MAP3K3: variants seen among roughly 807,000 people sequenced by gnomAD.
MAP3K3 encodes the protein MAP/ERK kinase kinase 3.
In MAP3K3, 12 loss-of-function variants were observed where a neutral mutation model predicts 80.9. The ratio of observed to expected loss-of-function variants is 0.15; its 90% CI spans 0.10 to 0.24. The LOEUF (loss-of-function observed/expected upper bound fraction) is 0.24, where lower values mean the gene tolerates loss of function less well. Among genes scored for constraint, MAP3K3 ranks in the 10% least tolerant of loss-of-function variants. The pLI, the probability that MAP3K3 is intolerant of heterozygous loss-of-function variation, is 1.00. For synonymous variants in MAP3K3, 272 were observed against 307.1 expected, an observed-to-expected ratio of 0.89 and a Z score of 1.19; for missense variants, 596 against 834.7, an observed-to-expected ratio of 0.71 and a Z score of 3.52.
chr17:63,680,387 A>T (rs2035305208), intron 6 of MAP3K3, among the ~76,000 whole-genome samples: 1 of 152,240 alleles, frequency 6.6e-6, no homozygotes, highest in African/African-American at 2.4e-5. Flanking sequence ...TAAGAGTCTT[A>T]CGTTTAAGTT....
At chr17:63,643,084 A>T (rs1278501732) in intron 2 of MAP3K3, among the ~76,000 whole-genome samples, 2 of 152,154 alleles carry the variant, frequency 1.3e-5, no homozygotes, top group Non-Finnish European at 2.9e-5. Flanking sequence ...GAAAAAAAAA[A>T]AAAATTAAAC....
chr17:63,622,702 G>A lies in MAP3K3; in HGVS notation c.-58G>A. The A allele has an allele frequency of 2.2e-6, 1 of 444,690 alleles. No individual in the cohort carries two copies. 27.5% of individuals were successfully genotyped at this position (444,690 alleles called of 1,614,324 possible). On this transcript the variant is annotated 5_prime_UTR_variant, in exon 1 of 16. Transcript: ENST00000361733. ...CCGCCGCCCGGGCCCCCGGCATGCAGCCCCGGCTGCGGAGGTGACACTCAC... is the reference window on the plus strand; with the variant it reads ...CCGCCGCCCGGGCCCCCGGCATGCAACCCCGGCTGCGGAGGTGACACTCAC...
At chr17:63,654,469 G>A (rs2034723852) in intron 4 of MAP3K3, among the ~76,000 whole-genome samples, 1 of 152,044 alleles carries the variant, frequency 6.6e-6, no homozygotes, top group Non-Finnish European at 1.5e-5. Flanking sequence ...TTCATCTATT[G>A]ATAGACATTT....
intron 6 of MAP3K3, chr17:63,672,777 C>T (rs1000634433): frequency 5.3e-5 from 8 of 152,284 alleles, no homozygotes; most frequent in African/African-American, 1.9e-4. Context: ...AGGCATTACA[C>T]AGAACCAGCC....
At chr17:63,662,381 C>T (rs1189627300) in intron 5 of MAP3K3, among the ~76,000 whole-genome samples, 1 of 152,010 alleles carries the variant, frequency 6.6e-6, no homozygotes, top group Non-Finnish European at 1.5e-5. Context: ...CAACACTGCA[C>T]TCCAGCCTGG....
chr17:63,692,475 A>G lies in MAP3K3; in HGVS notation c.1652+56A>G, dbSNP rs2035612543. ...TCCACCCAGGCCATAGTGGCCCCCC[A>G]TTAGAAACACACCCTGGGGACTTTG... On this transcript the variant is annotated intron_variant, in intron 15 of 15. Coordinates refer to ENST00000361733, the MANE Select transcript of MAP3K3 (RefSeq NM_002401.5). This position sits in a 1 kb window ranked among gnomAD's most constrained non-coding sequence, Gnocchi z 4.5. 1.3e-6 allele frequency: 2 copies of G among 1,523,026 alleles called. No homozygotes were observed. Among genetic ancestry groups the G allele is most frequent in the African/African-American group, 1.4e-5 (1 of 71,920 alleles). The allele number at this position is 1,523,026 out of a possible 1,614,324, so 94.3% of individuals were successfully genotyped here.
At position 63,691,599 on chromosome 17, in the gene MAP3K3, T is replaced by G; in HGVS notation, c.1345-134T>G. ...CTTTTCCAAACTGCCTGACAGCTCC[T>G]GGCAAAATGCCCTGCCCAGCCAGAT... On this transcript the variant is annotated intron_variant, in intron 13 of 15. Transcript: ENST00000361733. This position sits in a 1 kb window ranked among gnomAD's most constrained non-coding sequence, Gnocchi z 4.8. 7.6e-7 allele frequency: 1 copy of G among 1,322,758 alleles called. No individual in the cohort carries two copies. The highest frequency in any genetic ancestry group is 1.4e-5 in the South Asian group (1 of 71,060). 81.9% of individuals were successfully genotyped at this position (1,322,758 alleles called of 1,614,324 possible). A position where few individuals can be genotyped will look rare whatever the true frequency, so the allele number is the denominator to read the frequency against.
At position 63,691,244 on chromosome 17, in the gene MAP3K3, C is replaced by T; in HGVS notation, c.1344+11C>T. Reference sequence around the variant, plus strand: ...GAGTACATGCCAGGGGTACGTGCCCCTTGAATGCATGTGAGACACACACAA... The same window carrying T: ...GAGTACATGCCAGGGGTACGTGCCCTTTGAATGCATGTGAGACACACACAA... On this transcript the variant is annotated intron_variant, in intron 13 of 15. Transcript: ENST00000361733. The surrounding 1 kb of genome is among the most constrained non-coding windows in gnomAD (Gnocchi z 4.8). 1 of 1,613,952 alleles carries T rather than the reference C, an allele frequency of 6.2e-7. No individual in the cohort carries two copies. Among genetic ancestry groups the T allele is most frequent in the South Asian group, 1.1e-5 (1 of 91,068 alleles).
chr17:63,669,993 C>A (rs2035071940), intron 6 of MAP3K3, among the ~76,000 whole-genome samples: 1 of 151,610 alleles, frequency 6.6e-6, no homozygotes, highest in Non-Finnish European at 1.5e-5. Context: ...GTCCCAGGTA[C>A]TTGGGAAGCT....
At chr17:63,675,924 T>C (rs1343431247) in intron 6 of MAP3K3, among the ~76,000 whole-genome samples, 1 of 152,218 alleles carries the variant, frequency 6.6e-6, no homozygotes, top group African/African-American at 2.4e-5. Flanking sequence ...TATGGTCCAG[T>C]ATCCTATCCT....
intron 12 of MAP3K3, chr17:63,690,708 G>A: frequency 2.3e-6 from 1 of 441,762 alleles, no homozygotes; most frequent in Non-Finnish European, 4.1e-6. Context: ...CCCTAGACAA[G>A]TATCTCTCCC....
chr17:63,651,789 A>C (rs1327662500), intron 3 of MAP3K3, among the ~76,000 whole-genome samples: 1 of 152,218 alleles, frequency 6.6e-6, no homozygotes, highest in Non-Finnish European at 1.5e-5. Flanking sequence ...CAGATATGTC[A>C]CTGGTTAAGA....
chr17:63,674,034 C>G, intron 6 of MAP3K3, among the ~76,000 whole-genome samples: 1 of 151,044 alleles, frequency 6.6e-6, no homozygotes, highest in East Asian at 1.9e-4. Flanking sequence ...GAGCTGAGAT[C>G]GTGCCACTGC....
intron 3 of MAP3K3, among the ~76,000 whole-genome samples, chr17:63,650,666 G>C (rs1182685142): frequency 1.5e-5 from 2 of 136,234 alleles, no homozygotes; most frequent in South Asian, 2.2e-4. Flanking sequence ...TATAGAGAGA[G>C]AGAGAGAGAG....
chr17:63,663,417 G>T (rs1251786580), intron 5 of MAP3K3, among the ~76,000 whole-genome samples: 13 of 151,768 alleles, frequency 8.6e-5, no homozygotes, highest in Non-Finnish European at 5.9e-5. Context: ...CAGGAGAATT[G>T]CTTGAACCTG....
chr17:63,641,203 A>G (rs549110514), intron 2 of MAP3K3, among the ~76,000 whole-genome samples: 4 of 152,078 alleles, frequency 2.6e-5, no homozygotes, highest in African/African-American at 9.6e-5. Context: ...AGATGAGGAA[A>G]CTAAGTTATA....
At chr17:63,628,561 T>C (rs1475908408) in intron 1 of MAP3K3, among the ~76,000 whole-genome samples, 5 of 152,086 alleles carry the variant, frequency 3.3e-5, no homozygotes, top group Admixed American at 1.3e-4. Flanking sequence ...GGTTTCTCCA[T>C]GTTGGTCAGG....
At chr17:63,638,782 C>T (rs1223514434) in intron 2 of MAP3K3, among the ~76,000 whole-genome samples, 2 of 152,200 alleles carry the variant, frequency 1.3e-5, no homozygotes, top group African/African-American at 4.8e-5. Context: ...AGTGGTGGCT[C>T]ATGCCTGTAA....
Position 63,678,012 on chromosome 17 carries a change from T to C in MAP3K3, c.503-3754T>C, listed in dbSNP as rs537781107. Among the ~76,000 whole-genome samples the C allele has an allele frequency of 3.2e-4, 49 of 152,318 alleles. 1 individual carries two copies. In the South Asian group the frequency reaches 4.3e-3, roughly 14 times the overall value. On this transcript the variant is annotated intron_variant, in intron 6 of 15. Transcript: ENST00000361733. ...CTGGCCAGTTCAAGGAGAAGTTATG[T>C]CTTGTGCCACTGTGTTGAGCAGCAT...
Sources: gnomAD v4.1 joint callset for allele counts (sites outside exome capture counted in the v4.1 genomes callset) on GRCh38, gnomAD v4.1.1 for gene constraint, Gnocchi (gnomAD v3.1) non-coding constraint, MANE v1.5 for transcripts, NCBI Gene and HGNC (gene_info 2026-07-23, HGNC 2026-07-21) for gene names.